STEAP1B: variants seen among roughly 807,000 people sequenced by gnomAD.
The protein encoded by STEAP1B is STEAP family member 1B.
Under a neutral mutation model 27.9 loss-of-function variants are expected in STEAP1B, and 13 were observed. The ratio of observed to expected loss-of-function variants is 0.47; its 90% CI spans 0.30 to 0.74. The LOEUF is 0.74. Ranked by LOEUF, STEAP1B falls within the 30% of genes least tolerant of loss-of-function variation. STEAP1B has a pLI of 0.06. For synonymous variants in STEAP1B, 86 were observed against 107.1 expected, an observed-to-expected ratio of 0.80 and a Z score of 1.22; for missense variants, 250 against 298.7, an observed-to-expected ratio of 0.84 and a Z score of 1.20.
chr7:22,429,242 C>T (rs1583627764), intron 4 of STEAP1B, among the ~76,000 whole-genome samples: 2 of 152,122 alleles, frequency 1.3e-5, no homozygotes, highest in Non-Finnish European at 2.9e-5. Context: ...TACAAAGAGA[C>T]AAAGTTTGTA....
At chr7:22,426,240 C>T (rs1319368876) in intron 4 of STEAP1B, among the ~76,000 whole-genome samples, 1 of 152,106 alleles carries the variant, frequency 6.6e-6, no homozygotes, top group African/African-American at 2.4e-5. Context: ...GTTTGGCAAA[C>T]CAGATCATCT....
At chr7:22,454,287 C>T (rs1785535341) in intron 4 of STEAP1B, among the ~76,000 whole-genome samples, 1 of 152,124 alleles carries the variant, frequency 6.6e-6, no homozygotes, top group South Asian at 2.1e-4. Context: ...TATTTGTTCT[C>T]CTTTTACTCC....
chr7:22,423,753 GCA>G (rs1313157866), intron 4 of STEAP1B, among the ~76,000 whole-genome samples: 1 of 152,206 alleles, frequency 6.6e-6, no homozygotes. Flanking sequence ...AATAGGCCAG[GCA>G]CAGTGTTTCA....
chr7:22,493,959 T>C (rs113012649), intron 2 of STEAP1B, 123 bp from the exon 3 acceptor site: 170,734 of 1,237,508 alleles, frequency 0.14, 12,022 homozygotes, highest in Non-Finnish European at 0.14. Context: ...AATCTTGCTT[T>C]TGAATACTGG....
At chr7:22,487,816 A>G (rs1225070337) in intron 4 of STEAP1B, among the ~76,000 whole-genome samples, 2 of 146,578 alleles carry the variant, frequency 1.4e-5, no homozygotes, top group South Asian at 2.2e-4. Context: ...AAAAAAAAAA[A>G]AAAAAAGAAA....
intron 4 of STEAP1B, among the ~76,000 whole-genome samples, chr7:22,467,549 C>T (rs1393732958): frequency 1.3e-5 from 2 of 152,154 alleles, no homozygotes; most frequent in Non-Finnish European, 2.9e-5. Flanking sequence ...TAGGAGGGAC[C>T]CAGTGGGAGA....
rs1254271456 is a variant in STEAP1B at position 22,449,662 on chromosome 7, G to C, written c.763-29826C>G. Among the ~76,000 whole-genome samples, 10 of 152,332 alleles carry C rather than the reference G, an allele frequency of 6.6e-5. No individual in the cohort carries two copies. In the South Asian group the frequency reaches 2.1e-3, roughly 32 times the overall value. On this transcript the variant is annotated intron_variant, in intron 4 of 4. Transcript: ENST00000678116. Reference sequence around the variant, plus strand: ...TTCCTTTCTTTTGGGTATATACCCAGCAGTGGGATTGCTGGATCCTATGGT... The same window carrying C: ...TTCCTTTCTTTTGGGTATATACCCACCAGTGGGATTGCTGGATCCTATGGT...
In STEAP1B at chr7:22,470,925, T is replaced by G. The variant is rs1176581383; in HGVS notation, c.762+21640A>C. The stretch of plus-strand genomic sequence containing the variant: ...TCATTTCACCCTCATAATCCCTTAC[T>G]CTAGCAAAAGAAAAAAATGTATTCA... On this transcript the variant is annotated intron_variant, in intron 4 of 4. Coordinates refer to ENST00000678116, the MANE Select transcript of STEAP1B (RefSeq NM_001382447.1). Among the ~76,000 whole-genome samples the G allele has an allele frequency of 2.0e-5, 3 of 152,118 alleles. No homozygotes were observed. The East Asian group carries it at 5.8e-4, about 29-fold the overall frequency.
intron 4 of STEAP1B, among the ~76,000 whole-genome samples, chr7:22,488,873 GA>G (rs1199687943): frequency 2.0e-5 from 3 of 152,184 alleles, no homozygotes; most frequent in Middle Eastern, 6.3e-3. Flanking sequence ...AAGGCTCTTA[GA>G]AATAAGCCAG....
chr7:22,450,399 CCA>C (rs367652484), intron 4 of STEAP1B, among the ~76,000 whole-genome samples: 6 of 152,250 alleles, frequency 3.9e-5, no homozygotes, highest in Non-Finnish European at 8.8e-5. Flanking sequence ...ATATGGATAT[CCA>C]GTTTTCTTAG....
Position 22,494,456 on chromosome 7 carries a change from T to C in STEAP1B, c.84+316A>G, listed in dbSNP as rs116774704. Among the ~76,000 whole-genome samples, 732 of 151,180 alleles carry C rather than the reference T, an allele frequency of 4.8e-3. 7 individuals are homozygous for C. Among genetic ancestry groups the C allele is most frequent in the African/African-American group, 0.017 (704 of 41,070 alleles). ...TTTTTTTTTTTTTAACTTAGAACTA[T>C]AGAGTGTTAGAAAGAATTGGAAGGG... is the stretch of plus-strand genomic sequence containing the variant. On this transcript the variant is annotated intron_variant, in intron 2 of 4. Transcript: ENST00000678116.
rs1258040788 is a variant in STEAP1B, at chr7:22,492,638, A to C, written c.689T>G (p.Leu230Arg). The change falls in exon 4 of 5, where the codon CTG (leucine) becomes CGG (arginine). Residue 230 changes from leucine (L) to arginine (R), a missense_variant. Coordinates refer to ENST00000678116, the MANE Select transcript of STEAP1B (RefSeq NM_001382447.1). Reference protein sequence around the residue: ...VSLGIVGLAILALLAVTSIPS... With the variant: ...VSLGIVGLAIRALLAVTSIPS... ...AATAGATGTCACAGCCAACAGAGCC[A>C]GTATTGCCAGTCCCACAATTCCCAG... is the stretch of plus-strand genomic sequence containing the variant. The C allele has an allele frequency of 6.2e-7, 1 of 1,613,630 alleles. No individual in the cohort carries two copies. The highest frequency in any genetic ancestry group is 1.3e-5 in the African/African-American group (1 of 74,912).
intron 4 of STEAP1B, among the ~76,000 whole-genome samples, chr7:22,479,696 T>TTTTTTTTTTTTTTTTTG (rs1786034752): frequency 6.7e-6 from 1 of 148,718 alleles, no homozygotes; most frequent in African/African-American, 2.5e-5. Context: ...TTTTTTTTTT[T>TTTTTTTTTTTTTTTTTG]TTTTCTGAGA....
At chr7:22,451,963 A>G (rs1785498899) in intron 4 of STEAP1B, among the ~76,000 whole-genome samples, 2 of 152,156 alleles carry the variant, frequency 1.3e-5, no homozygotes, top group African/African-American at 4.8e-5. Flanking sequence ...TAGGATTGGT[A>G]TTAGTGGTTC....
At chr7:22,464,421 T>C (rs2128408852) in intron 4 of STEAP1B, among the ~76,000 whole-genome samples, 1 of 152,324 alleles carries the variant, frequency 6.6e-6, no homozygotes, top group South Asian at 2.1e-4. Context: ...CTGGGGACTC[T>C]TTAATACCAT....
In STEAP1B at chr7:22,425,196, A is replaced by G. The variant is rs114620089; in HGVS notation, c.763-5360T>C. ...AATCTGCCCTGGGTGAAGTGTCACAATGATTTGGTATGATACATTAAAATT... is the reference window on the plus strand; with the variant it reads ...AATCTGCCCTGGGTGAAGTGTCACAGTGATTTGGTATGATACATTAAAATT... On this transcript the variant is annotated intron_variant, in intron 4 of 4. Transcript: ENST00000678116. 3.8e-3 allele frequency among the ~76,000 whole-genome samples: 575 copies of G among 152,284 alleles called. 1 individual carries two copies. The highest frequency in any genetic ancestry group is 0.012 in the African/African-American group (509 of 41,558).
At chr7:22,425,072 T>A (rs901736435) in intron 4 of STEAP1B, among the ~76,000 whole-genome samples, 3 of 152,172 alleles carry the variant, frequency 2.0e-5, no homozygotes, top group Non-Finnish European at 4.4e-5. Flanking sequence ...TTAATGCTCT[T>A]TTTAAAATGG....
At chr7:22,457,911 C>T (rs1317834451) in intron 4 of STEAP1B, among the ~76,000 whole-genome samples, 4 of 152,220 alleles carry the variant, frequency 2.6e-5, no homozygotes, top group Non-Finnish European at 5.9e-5. Flanking sequence ...GAAATCTGCA[C>T]TGGGGATCCT....
intron 4 of STEAP1B, among the ~76,000 whole-genome samples, chr7:22,491,351 A>G (rs1314397616): frequency 6.6e-6 from 1 of 152,216 alleles, no homozygotes; most frequent in African/African-American, 2.4e-5. Context: ...CCTTGCCTTT[A>G]AGAAGTTTGC....
Sources: allele counts gnomAD v4.1 joint callset (sites outside exome capture counted in the v4.1 genomes callset), GRCh38; gene constraint gnomAD v4.1.1; transcripts MANE v1.5; gene names NCBI Gene and HGNC (gene_info 2026-07-23, HGNC 2026-07-21).